The following DNAH2 variants were observed in gnomAD, a reference collection of about 807,000 sequenced individuals.
DNAH2 encodes the protein axonemal beta dynein heavy chain 2.
DNAH2 carries 323 observed loss-of-function variants against 523.5 expected under a neutral mutation model. The ratio of observed to expected loss-of-function variants is 0.62; its 90% CI spans 0.56 to 0.68. DNAH2 has a LOEUF of 0.68. Ranked by LOEUF, DNAH2 falls within the 30% of genes least tolerant of loss-of-function variation. The pLI is 0.00. For synonymous variants in DNAH2, 2,093 were observed against 2,177.4 expected (o/e 0.96, Z 1.08); for missense variants, 4,907 against 5,701.5 (o/e 0.86, Z 4.49).
chr17:7,740,313 A>T (rs2075273202), intron 9 of DNAH2, 107 bp from the exon 10 acceptor site: 5 of 1,526,514 alleles, frequency 3.3e-6, no homozygotes, highest in Non-Finnish European at 4.4e-6. Flanking sequence ...AGTGCCTGGC[A>T]CACAGGAAGC....
intron 12 of DNAH2, among the ~76,000 whole-genome samples, chr17:7,745,467 A>G (rs1567631990): frequency 6.6e-6 from 1 of 152,184 alleles, no homozygotes; most frequent in East Asian, 1.9e-4. Flanking sequence ...AATTTTACCT[A>G]TATAACAAAC....
At chr17:7,777,871 G>A (rs775451943) in intron 33 of DNAH2, among the ~76,000 whole-genome samples, 14 of 152,132 alleles carry the variant, frequency 9.2e-5, no homozygotes, top group African/African-American at 1.9e-4. Context: ...CCAGGCAGCT[G>A]CTGCATTGGG....
rs771897578 is a variant in DNAH2 at position 7,766,429 on chromosome 17, G to C, written c.3623G>C (p.Gly1208Ala). Residue 1208 changes from glycine to alanine, a missense_variant, in exon 22 of 86, where the codon GGC becomes GCC. Transcript: ENST00000572933. ...EEENSLRANL[G>A]IFKIEQPPSK... The stretch of plus-strand genomic sequence containing the variant: ...GAAAATAGTCTCCGAGCCAACCTGG[G>C]CATCTTCAAGATCGAGCAGCCACCC... The C allele has an allele frequency of 1.2e-6, 2 of 1,613,962 alleles. No individual in the cohort carries two copies. Among genetic ancestry groups the C allele is most frequent in the Admixed American group, 1.7e-5 (1 of 59,992 alleles).
chr17:7,737,639 C>T (rs967244205), intron 8 of DNAH2, among the ~76,000 whole-genome samples: 4 of 152,068 alleles, frequency 2.6e-5, no homozygotes, highest in African/African-American at 7.2e-5. Context: ...GAAGGAGCAC[C>T]GGCTCTTGAG....
intron 64 of DNAH2, among the ~76,000 whole-genome samples, 170 bp downstream of exon 64, chr17:7,816,905 G>C (rs902984196): frequency 3.9e-5 from 6 of 152,226 alleles, no homozygotes; most frequent in African/African-American, 1.4e-4. Flanking sequence ...CCTTTGGTGA[G>C]AGCAATGGAA....
intron 12 of DNAH2, among the ~76,000 whole-genome samples, chr17:7,750,382 T>A (rs1408343665): frequency 6.6e-6 from 1 of 152,248 alleles, no homozygotes; most frequent in Non-Finnish European, 1.5e-5. Flanking sequence ...ACAAAGCAGT[T>A]ACCCCGGGAC....
chr17:7,770,519 G>T (rs1345001630), intron 25 of DNAH2, 38 bp from the exon 26 acceptor site: 1 of 1,613,396 alleles, frequency 6.2e-7, no homozygotes, highest in Admixed American at 1.7e-5. Flanking sequence ...TTAGTGAAGA[G>T]ATACCTGACT....
At chr17:7,802,449 T>C (rs774282175) in intron 58 of DNAH2, among the ~76,000 whole-genome samples, 10 of 152,176 alleles carry the variant, frequency 6.6e-5, no homozygotes, top group Non-Finnish European at 8.8e-5. Flanking sequence ...CTCCCACGGA[T>C]ACCAAAATCC....
Position 7,832,138 on chromosome 17 carries a change from A to T in DNAH2, c.12726+363A>T, listed in dbSNP as rs1282209620. 6.6e-6 allele frequency among the ~76,000 whole-genome samples: 1 copy of T among 152,116 alleles called. No individual in the cohort carries two copies. Among genetic ancestry groups the T allele is most frequent in the African/African-American group, 2.4e-5 (1 of 41,424 alleles). On this transcript the variant is annotated intron_variant, in intron 82 of 85. Coordinates refer to ENST00000572933, the MANE Select transcript of DNAH2 (RefSeq NM_020877.5). The surrounding 1 kb of genome is among the most constrained non-coding windows in gnomAD (Gnocchi z 4.3). ...CCTCTTTCCTAGAAGTTGGCTTTGGAGAGCTTTGTTCACCTGTAGTTGGGG... is the reference window on the plus strand; with the variant it reads ...CCTCTTTCCTAGAAGTTGGCTTTGGTGAGCTTTGTTCACCTGTAGTTGGGG...
chr17:7,778,560 G>A, intron 35 of DNAH2, 91 bp downstream of exon 35: 2 of 1,221,626 alleles, frequency 1.6e-6, no homozygotes, highest in Non-Finnish European at 2.2e-6. Flanking sequence ...TCAGTGCTTT[G>A]TAGCTTCATG....
At chr17:7,722,194 G>A (rs997167562) in intron 2 of DNAH2, among the ~76,000 whole-genome samples, 5 of 151,214 alleles carry the variant, frequency 3.3e-5, no homozygotes, top group Non-Finnish European at 5.9e-5. Context: ...AGACGGGGGG[G>A]GGGGTTCACC....
Position 7,824,708 on chromosome 17 carries a change from T to A in DNAH2, c.11834T>A (p.Met3945Lys). The stretch of plus-strand genomic sequence containing the variant: ...TCAATCTTGCAGGTCAGCATCAAGA[T>A]GACCACAGAGCCACCAAAGGTATGT... Reference protein sequence around the residue: ...PISILQVSIKMTTEPPKGLKA... With the variant: ...PISILQVSIKKTTEPPKGLKA... Residue 3945 changes from methionine to lysine, a missense_variant, in exon 77 of 86, where the codon ATG (methionine) becomes AAG (lysine). Met to Lys is a moderately conservative substitution (Grantham distance 95). Transcript: ENST00000572933. 6.3e-7 allele frequency: 1 copy of A among 1,580,422 alleles called. No homozygotes were observed. The highest frequency in any genetic ancestry group is 1.1e-5 in the South Asian group (1 of 87,808).
chr17:7,768,179 A>G lies in DNAH2; in HGVS notation c.3853A>G (p.Ile1285Val). Reference protein sequence around the residue: ...AKEYKDRNWEIIETTRSKIEQ... With the variant: ...AKEYKDRNWEVIETTRSKIEQ... ...TTTTGCTCAGGACCGAAACTGGGAA[A>G]TTATTGAAACCACTCGCTCAAAAAT... Residue 1285 changes from isoleucine to valine, a missense_variant, in exon 24 of 86, where the codon ATT becomes GTT. This residue lies in a region of DNAH2 where 2,806 missense variants were observed against 3,190.8 expected (regional missense o/e 0.88). Coordinates refer to ENST00000572933, the MANE Select transcript of DNAH2 (RefSeq NM_020877.5). 1 of 1,614,186 alleles carries G rather than the reference A, an allele frequency of 6.2e-7. No homozygotes were observed. The highest frequency in any genetic ancestry group is 8.5e-7 in the Non-Finnish European group (1 of 1,180,042).
rs150502623 is a variant in DNAH2 at position 7,807,480 on chromosome 17, G to A, written c.9623G>A (p.Arg3208Gln). The stretch of plus-strand genomic sequence containing the variant: ...ACTGTCTCCCCACAGCTGTATGGGC[G>A]GCTATATCGGGTGGTGGAGCCCAAG... ...MWVRAMELYG[R>Q]LYRVVEPKRI... Residue 3208 changes from arginine to glutamine, a missense_variant, in exon 63 of 86, where the codon CGG becomes CAG. By Grantham distance (43) the Arg-to-Gln change is conservative. Around this residue, in one of 3 missense-constraint regions of DNAH2, gnomAD observed 1,851 missense variants for 2,139.4 expected, o/e 0.87. Transcript: ENST00000572933. This position sits in a 1 kb window ranked among gnomAD's most constrained non-coding sequence, Gnocchi z 5.6. 28 of 1,613,418 alleles carry A rather than the reference G, an allele frequency of 1.7e-5. No individual in the cohort carries two copies. The highest frequency in any genetic ancestry group is 1.6e-4 in the Middle Eastern group (1 of 6,084).
chr17:7,793,519 T>C (rs2076976404), intron 48 of DNAH2, among the ~76,000 whole-genome samples: 1 of 82,882 alleles, frequency 1.2e-5, no homozygotes, highest in South Asian at 3.2e-4. Context: ...TTCTTTCTTC[T>C]CTTTCTCTTT....
In DNAH2 at chr17:7,788,264, C is replaced by A; in HGVS notation, c.6900+20C>A. The A allele has an allele frequency of 6.4e-7, 1 of 1,551,256 alleles. No homozygotes were observed. The highest frequency in any genetic ancestry group is 1.2e-5 in the South Asian group (1 of 84,888). On this transcript the variant is annotated intron_variant, in intron 44 of 85. Coordinates refer to ENST00000572933, the MANE Select transcript of DNAH2 (RefSeq NM_020877.5). The stretch of plus-strand genomic sequence containing the variant: ...AATGGGGTAAGGGGAGGACACAGAC[C>A]ACGGGCAGGGGCAGGGGGTGCTCAC...
chr17:7,792,362 T>C lies in DNAH2; in HGVS notation c.7145+19T>C. On this transcript the variant is annotated intron_variant, in intron 46 of 85. Coordinates refer to ENST00000572933, the MANE Select transcript of DNAH2 (RefSeq NM_020877.5). ...CTCCAAAGTAAGAGCTGGGCCTGGGTGTGAGGAGGGCATGGGGCAGCGGTA... is the reference window on the plus strand; with the variant it reads ...CTCCAAAGTAAGAGCTGGGCCTGGGCGTGAGGAGGGCATGGGGCAGCGGTA... 1 of 1,612,350 alleles carries C rather than the reference T, an allele frequency of 6.2e-7. No individual in the cohort carries two copies. Among genetic ancestry groups the C allele is most frequent in the South Asian group, 1.1e-5 (1 of 91,012 alleles).
Position 7,833,652 on chromosome 17 carries a change from T to A in DNAH2, c.*119T>A. 7.2e-7 allele frequency: 1 copy of A among 1,392,020 alleles called. No individual in the cohort carries two copies. The highest frequency in any genetic ancestry group is 9.9e-7 in the Non-Finnish European group (1 of 1,006,868). 86.2% of individuals were successfully genotyped at this position (1,392,020 alleles called of 1,614,324 possible). On this transcript the variant is annotated 3_prime_UTR_variant, in exon 86 of 86. Coordinates refer to ENST00000572933, the MANE Select transcript of DNAH2 (RefSeq NM_020877.5). The stretch of plus-strand genomic sequence containing the variant: ...GACTTTGACCTTGGCCGAATTTGTG[T>A]GATGTGGCCCTGGAGATACCTAGTT...
At position 7,758,566 on chromosome 17, in the gene DNAH2, TC is replaced by T. The variant is rs2075910056; in HGVS notation, c.2125del (p.His709ThrfsTer11). 1 of 1,613,996 alleles carries T rather than the reference TC, an allele frequency of 6.2e-7. No homozygotes were observed. Among genetic ancestry groups the T allele is most frequent in the East Asian group, 2.2e-5 (1 of 44,886 alleles). On this transcript the variant is annotated frameshift_variant, in exon 14 of 86. Coordinates refer to ENST00000572933, the MANE Select transcript of DNAH2 (RefSeq NM_020877.5). LOFTEE classifies it high-confidence loss of function. ...CGTATTCGGCTCCTGGATAAGAAGA[TC>T]CACCCGGGACTCAAGAAACTGCACT... Reference protein sequence around the residue: ...KERIRLLDKKIHPGLKKLHWA... With the variant: ...KERIRLLDKKXHPGLKKLHWA...
Sources: allele counts gnomAD v4.1 joint callset (sites outside exome capture counted in the v4.1 genomes callset), GRCh38; gene constraint gnomAD v4.1.1; regional missense constraint gnomAD v4.1.1; non-coding constraint Gnocchi (gnomAD v3.1); transcripts MANE v1.5; gene names NCBI Gene and HGNC (gene_info 2026-07-23, HGNC 2026-07-21).